The following FAM83A variants were observed in gnomAD, a reference collection of about 807,000 sequenced individuals.
FAM83A encodes the protein scaffolding CK1 anchoring protein A.
A neutral mutation model predicts 24.4 loss-of-function variants in FAM83A; 21 were observed. That is an observed-to-expected ratio of 0.86 (90% CI 0.61 to 1.24). The LOEUF is 1.24. Among genes scored for constraint, FAM83A ranks in the 50% most tolerant of loss-of-function variants. The pLI, the probability that FAM83A is intolerant of heterozygous loss-of-function variation, is 0.00. For missense variants in FAM83A, 617 were observed against 579.8 expected (o/e 1.06, Z -0.66); for synonymous variants, 270 against 252.4 (o/e 1.07, Z -0.66).
At chr8:123,206,632 T>C (rs539680004) in intron 3 of FAM83A, among the ~76,000 whole-genome samples, 1 of 152,286 alleles carries the variant, frequency 6.6e-6, no homozygotes, top group Non-Finnish European at 1.5e-5. Flanking sequence ...GGCTGCAATC[T>C]GAGCACCAGG....
chr8:123,207,380 A>G, exon 4 of FAM83A: 1 of 1,611,368 alleles, frequency 6.2e-7, no homozygotes, highest in Non-Finnish European at 8.5e-7. Flanking sequence ...CACGTCCTCC[A>G]ACCCCTTCAG....
upstream of FAM83A, chr8:123,180,152 T>A (rs1823559646): frequency 6.6e-6 from 1 of 152,094 alleles, no homozygotes; most frequent in African/African-American, 2.4e-5. Context: ...CAGCATGCAG[T>A]GAGCACTCAG....
At chr8:123,204,547 G>A (rs748884337) in intron 3 of FAM83A, among the ~76,000 whole-genome samples, 11 of 152,090 alleles carry the variant, frequency 7.2e-5, no homozygotes, top group Non-Finnish European at 1.5e-4. Context: ...TGGATCACGA[G>A]GTCAGGAGAT....
exon 4 of FAM83A, chr8:123,208,307 A>C (rs1328800322): frequency 2.0e-6 from 2 of 985,652 alleles, no homozygotes; most frequent in South Asian, 4.7e-5. Flanking sequence ...AGCCATCTGA[A>C]GCTGTAGCCA....
chr8:123,203,957 C>CAA (rs1340124620), intron 3 of FAM83A, among the ~76,000 whole-genome samples: 17 of 50,628 alleles, frequency 3.4e-4, no homozygotes, highest in African/African-American at 6.5e-4. Flanking sequence ...AACTCCAACT[C>CAA]AAAAAAAAAA....
At chr8:123,183,559 G>A (rs1165237663) in intron 1 of FAM83A, among the ~76,000 whole-genome samples, 2 of 151,876 alleles carry the variant, frequency 1.3e-5, no homozygotes, top group African/African-American at 2.4e-5. Context: ...TGGAACTCCC[G>A]CAATCGCTTC....
In FAM83A at chr8:123,209,450, C is replaced by T. The variant is rs200498097; in HGVS notation, c.*1762C>T. On this transcript the variant is annotated 3_prime_UTR_variant, in exon 4 of 4. Transcript: ENST00000690554. The surrounding 1 kb of genome is among the most constrained non-coding windows in gnomAD (Gnocchi z 4.7). ...GTTCCTGAAAGTAAACAAAACAAAA[C>T]AAAAACAAAAAAACAAACAACACTT... 172 of 1,613,932 alleles carry T rather than the reference C, an allele frequency of 1.1e-4. No individual in the cohort carries two copies. In the East Asian group the frequency reaches 3.7e-3, roughly 34 times the overall value.
In FAM83A at chr8:123,191,642, C is replaced by G. The variant is rs190538867; in HGVS notation, c.481-161C>G. On this transcript the variant is annotated intron_variant, in intron 1 of 3. Transcript: ENST00000690554. Reference sequence around the variant, plus strand: ...TCCACTCCAGCTCTTCCTTTTCCTTCCATTAATCCTGCCCAGTCAGACCCA... The same window carrying G: ...TCCACTCCAGCTCTTCCTTTTCCTTGCATTAATCCTGCCCAGTCAGACCCA... 8.5e-5 allele frequency among the ~76,000 whole-genome samples: 13 copies of G among 152,292 alleles called. No individual in the cohort carries two copies. The East Asian group carries it at 2.5e-3, about 29-fold the overall frequency.
intron 1 of FAM83A, among the ~76,000 whole-genome samples, chr8:123,187,128 G>A (rs1451519356): frequency 6.6e-6 from 1 of 152,204 alleles, no homozygotes; most frequent in African/African-American, 2.4e-5. Flanking sequence ...CAGGCCTAAG[G>A]AGGGTCACAT....
At chr8:123,191,934 G>A in exon 2 of FAM83A, 1 of 1,614,194 alleles carries the variant, frequency 6.2e-7, no homozygotes, top group African/African-American at 1.3e-5. Flanking sequence ...TCCAGGAGAT[G>A]TGTGACAAAG....
At chr8:123,208,642 G>A (rs1824641662) in exon 4 of FAM83A, 8 of 985,514 alleles carry the variant, frequency 8.1e-6, no homozygotes, top group Non-Finnish European at 9.6e-6. Context: ...TTTCTGGGGT[G>A]GAACTAGGTC....
At chr8:123,179,297 T>G (rs1192409168), upstream of FAM83A, 5 of 152,212 alleles carry the variant, frequency 3.3e-5, no homozygotes, top group Non-Finnish European at 7.3e-5. Flanking sequence ...GAGATTAATG[T>G]CATTATCATG....
Position 123,192,481 on chromosome 8 carries a change from C to G in FAM83A, c.648+511C>G, listed in dbSNP as rs142768081. Among the ~76,000 whole-genome samples the G allele has an allele frequency of 1.6e-3, 250 of 152,294 alleles. 1 individual carries two copies. Among genetic ancestry groups the G allele is most frequent in the African/African-American group, 5.8e-3 (240 of 41,556 alleles). ...GATCCTCTTGGACTTAACTGAACCC[C>G]GTACTTCCCTCTCCTGGCAAAGAGA... On this transcript the variant is annotated intron_variant, in intron 2 of 3. Transcript: ENST00000690554.
intron 1 of FAM83A, among the ~76,000 whole-genome samples, chr8:123,183,559 G>T (rs1165237663): frequency 2.0e-5 from 3 of 151,876 alleles, no homozygotes; most frequent in African/African-American, 4.8e-5. Flanking sequence ...TGGAACTCCC[G>T]CAATCGCTTC....
exon 4 of FAM83A, chr8:123,208,771 G>A (rs781387044): frequency 2.8e-4 from 277 of 980,844 alleles, no homozygotes; most frequent in Admixed American, 1.7e-3. Context: ...CAAGGTGGTT[G>A]GATTACCTGA....
chr8:123,196,780 G>C (rs1270941053), intron 3 of FAM83A, among the ~76,000 whole-genome samples: 1 of 152,286 alleles, frequency 6.6e-6, no homozygotes, highest in East Asian at 1.9e-4. Context: ...GTGTTGTAAG[G>C]CTGTGGCAAT....
At chr8:123,179,472 A>G (rs1474892812), upstream of FAM83A, 2 of 152,264 alleles carry the variant, frequency 1.3e-5, no homozygotes, top group Admixed American at 6.5e-5. Flanking sequence ...TTCATTATAA[A>G]TCACCCAGTC....
Position 123,209,456 on chromosome 8 carries a change from C to CA in FAM83A, c.*1775dup, listed in dbSNP as rs532386385. ...GAAAGTAAACAAAACAAAACAAAAACAAAAAAACAAACAACACTTTGGTTC... is the reference window on the plus strand; with the variant it reads ...GAAAGTAAACAAAACAAAACAAAAACAAAAAAAACAAACAACACTTTGGTTC... On this transcript the variant is annotated 3_prime_UTR_variant, in exon 4 of 4. Transcript: ENST00000690554. The surrounding 1 kb of genome is among the most constrained non-coding windows in gnomAD (Gnocchi z 4.7). The CA allele has an allele frequency of 2.9e-5, 47 of 1,613,842 alleles. No individual in the cohort carries two copies. The highest frequency in any genetic ancestry group is 3.7e-5 in the Non-Finnish European group (44 of 1,179,992).
In FAM83A at chr8:123,209,595, G is replaced by A. The variant is rs923401783; in HGVS notation, c.*1907G>A. On this transcript the variant is annotated 3_prime_UTR_variant, in exon 4 of 4. Coordinates refer to ENST00000690554, the Ensembl canonical transcript of FAM83A. The surrounding 1 kb of genome is among the most constrained non-coding windows in gnomAD (Gnocchi z 4.7). ...TCCAAATTGGATTTCACCATCTGCT[G>A]AGAAAGTTTAAGGAAGGCAAAGCTT... is the stretch of plus-strand genomic sequence containing the variant. 6.2e-7 allele frequency: 1 copy of A among 1,602,960 alleles called. No individual in the cohort carries two copies. The highest frequency in any genetic ancestry group is 1.3e-5 in the African/African-American group (1 of 74,512).
Sources: allele counts gnomAD v4.1 joint callset (sites outside exome capture counted in the v4.1 genomes callset), GRCh38; gene constraint gnomAD v4.1.1; non-coding constraint Gnocchi (gnomAD v3.1); transcripts MANE v1.5; gene names NCBI Gene and HGNC (gene_info 2026-07-23, HGNC 2026-07-21).